The following SESN1 variants were observed in gnomAD, a reference collection of about 807,000 sequenced individuals.
The protein encoded by SESN1 is sestrin-1.
In SESN1, 30 loss-of-function variants were observed where a neutral mutation model predicts 59.3. That is an observed-to-expected ratio of 0.51 (90% CI 0.38 to 0.69). The LOEUF (loss-of-function observed/expected upper bound fraction) is 0.69. Among genes scored for constraint, SESN1 ranks in the 30% least tolerant of loss-of-function variants. The pLI is 0.00. For synonymous variants in SESN1, 197 were observed against 219.9 expected (o/e 0.90, Z 0.92); for missense variants, 566 against 673.0 (o/e 0.84, Z 1.76).
At chr6:108,992,054 A>C (rs1197780285) in intron 7 of SESN1, among the ~76,000 whole-genome samples, 1 of 152,126 alleles carries the variant, frequency 6.6e-6, no homozygotes, top group Non-Finnish European at 1.5e-5. Context: ...AATCTATTGC[A>C]TAATTATTCT....
At chr6:109,013,337 T>G (rs1562460049) in intron 1 of SESN1, among the ~76,000 whole-genome samples, 1 of 152,028 alleles carries the variant, frequency 6.6e-6, no homozygotes, top group Non-Finnish European at 1.5e-5. Flanking sequence ...TTCGGAACAA[T>G]GGGAAGGGAG....
intron 1 of SESN1, among the ~76,000 whole-genome samples, chr6:109,035,101 A>G (rs1780231512): frequency 6.6e-6 from 1 of 152,168 alleles, no homozygotes; most frequent in Admixed American, 6.5e-5. Context: ...GGATTCATTC[A>G]GCTGCCCCAC....
At position 108,998,896 on chromosome 6, in the gene SESN1, C is replaced by T. The variant is rs1583263663; in HGVS notation, c.730-141G>A. On this transcript the variant is annotated intron_variant, in intron 4 of 9. Coordinates refer to ENST00000436639, the MANE Select transcript of SESN1 (RefSeq NM_014454.3). ...AAATTATCATTTGAAACATGTAGAA[C>T]CCAGAATTTGCTAATTTTTATGAAT... 1.4e-5 allele frequency: 14 copies of T among 1,009,336 alleles called. No individual in the cohort carries two copies. In the East Asian group the frequency reaches 3.8e-4, roughly 28 times the overall value. The allele number at this position is 1,009,336 out of a possible 1,614,324, so 62.5% of individuals were successfully genotyped here.
intron 1 of SESN1, among the ~76,000 whole-genome samples, chr6:109,067,119 G>C (rs996222511): frequency 6.6e-5 from 10 of 152,114 alleles, no homozygotes; most frequent in African/African-American, 2.4e-4. Context: ...AACTTCAAGA[G>C]CCTATAGTCT....
At chr6:108,989,468 G>T (rs980316678) in intron 8 of SESN1, among the ~76,000 whole-genome samples, 1 of 140,114 alleles carries the variant, frequency 7.1e-6, no homozygotes. Context: ...TAGAGATATA[G>T]AAATATCTGT....
intron 1 of SESN1, among the ~76,000 whole-genome samples, chr6:109,062,655 A>G (rs1780751054): frequency 6.6e-6 from 1 of 152,218 alleles, no homozygotes; most frequent in East Asian, 1.9e-4. Context: ...GAATTCATAC[A>G]CAGTAGTCCC....
At chr6:109,006,118 A>C (rs1391615254) in intron 1 of SESN1, among the ~76,000 whole-genome samples, 1 of 152,188 alleles carries the variant, frequency 6.6e-6, no homozygotes, top group Non-Finnish European at 1.5e-5. Context: ...GCACTGTTTT[A>C]AATTATACTA....
At chr6:109,077,757 T>C (rs1276080553) in intron 1 of SESN1, among the ~76,000 whole-genome samples, 1 of 152,186 alleles carries the variant, frequency 6.6e-6, no homozygotes, top group Non-Finnish European at 1.5e-5. Flanking sequence ...AACATTATAG[T>C]GAGTGGGTTC....
intron 1 of SESN1, among the ~76,000 whole-genome samples, chr6:109,071,381 T>G (rs2114466077): frequency 6.6e-6 from 1 of 151,610 alleles, no homozygotes; most frequent in Middle Eastern, 3.4e-3. Flanking sequence ...CATACTAAGT[T>G]CTAAGACAGG....
intron 1 of SESN1, among the ~76,000 whole-genome samples, chr6:109,042,905 A>C (rs909581003): frequency 6.6e-6 from 1 of 152,138 alleles, no homozygotes; most frequent in African/African-American, 2.4e-5. Context: ...ATACAAAAAA[A>C]GAAAAATACA....
intron 1 of SESN1, among the ~76,000 whole-genome samples, chr6:109,007,539 T>C (rs1407483799): frequency 1.3e-5 from 2 of 152,200 alleles, no homozygotes; most frequent in Non-Finnish European, 2.9e-5. Flanking sequence ...GCATGTGTTT[T>C]TTGAAAAACA....
intron 1 of SESN1, among the ~76,000 whole-genome samples, chr6:109,068,106 G>C (rs1402906119): frequency 2.0e-5 from 3 of 152,122 alleles, no homozygotes; most frequent in Non-Finnish European, 4.4e-5. Flanking sequence ...TGAAGTTTGG[G>C]GGGGACAGTG....
intron 1 of SESN1, among the ~76,000 whole-genome samples, chr6:109,083,444 A>G (rs1187323565): frequency 6.6e-6 from 1 of 152,244 alleles, no homozygotes; most frequent in Non-Finnish European, 1.5e-5. Flanking sequence ...TTTGGCAGAT[A>G]GTAGATACAC....
chr6:109,036,629 A>C (rs1027068669), intron 1 of SESN1, among the ~76,000 whole-genome samples: 1 of 152,058 alleles, frequency 6.6e-6, no homozygotes, highest in Non-Finnish European at 1.5e-5. Context: ...GATAAAAAAA[A>C]TTTTTTTTAG....
chr6:109,070,734 A>T (rs1399150779), intron 1 of SESN1, among the ~76,000 whole-genome samples: 1 of 152,260 alleles, frequency 6.6e-6, no homozygotes, highest in Non-Finnish European at 1.5e-5. Context: ...ATTACTGTTA[A>T]GATAAAATCC....
chr6:109,042,970 C>T (rs1239070678), intron 1 of SESN1, among the ~76,000 whole-genome samples: 3 of 151,960 alleles, frequency 2.0e-5, no homozygotes, highest in Non-Finnish European at 4.4e-5. Context: ...AACAGAATTC[C>T]ACAATGTATA....
intron 1 of SESN1, among the ~76,000 whole-genome samples, chr6:109,045,639 G>A (rs1780417236): frequency 6.6e-6 from 1 of 152,160 alleles, no homozygotes; most frequent in Non-Finnish European, 1.5e-5. Context: ...GGCTTCAAGA[G>A]CCAGCTGAGG....
At chr6:109,045,227 T>TA (rs1407148663) in intron 1 of SESN1, among the ~76,000 whole-genome samples, 4 of 152,112 alleles carry the variant, frequency 2.6e-5, no homozygotes, top group Non-Finnish European at 4.4e-5. Context: ...CTAGAAACTG[T>TA]AAAATCTATC....
intron 4 of SESN1, 22 bp from the exon 5 acceptor site, chr6:108,998,777 A>G (rs1440315978): frequency 1.3e-6 from 2 of 1,588,090 alleles, no homozygotes; most frequent in Non-Finnish European, 1.7e-6. Context: ...AAAAAAAAAG[A>G]ATATATTTTT....
Sources: allele counts gnomAD v4.1 joint callset (sites outside exome capture counted in the v4.1 genomes callset), GRCh38; gene constraint gnomAD v4.1.1; transcripts MANE v1.5; gene names NCBI Gene and HGNC (gene_info 2026-07-23, HGNC 2026-07-21).